Variants in B3GALT1 observed in about 807,000 individuals in gnomAD.
B3GALT1 encodes the protein UDP-Gal:betaGlcNAc beta 1,3-galactosyltransferase, polypeptide 1.
Under a neutral mutation model 23.2 loss-of-function variants are expected in B3GALT1, and 10 were observed. The ratio of observed to expected loss-of-function variants is 0.43; its 90% CI spans 0.27 to 0.73. The LOEUF is 0.73. Ranked by LOEUF, B3GALT1 falls within the 30% of genes least tolerant of loss-of-function variation. B3GALT1 has a pLI of 0.21. For missense variants in B3GALT1, 299 were observed against 405.4 expected (o/e 0.74, Z 2.25); for synonymous variants, 156 against 141.5 (o/e 1.10, Z -0.73).
intron 3 of B3GALT1, among the ~76,000 whole-genome samples, chr2:167,747,347 C>T (rs1687668142): frequency 6.6e-6 from 1 of 152,176 alleles, no homozygotes; most frequent in South Asian, 2.1e-4. Context: ...TCCCTCAGGG[C>T]CAGAAAATGC....
chr2:167,320,939 G>GA lies in B3GALT1; in HGVS notation c.-511+27615dup, dbSNP rs796393876. 5.0e-3 allele frequency among the ~76,000 whole-genome samples: 727 copies of GA among 146,852 alleles called. 7 individuals are homozygous for GA. Among genetic ancestry groups the GA allele is most frequent in the South Asian group, 0.022 (101 of 4,640 alleles). Reference sequence around the variant, plus strand: ...CCCTCCCCTCAAATATCCTAAACATGAAAAAAAAAATAAAGTCACATCTTT... The same window carrying GA: ...CCCTCCCCTCAAATATCCTAAACATGAAAAAAAAAAATAAAGTCACATCTTT... On this transcript the variant is annotated intron_variant, in intron 1 of 4. Transcript: ENST00000392690.
chr2:167,665,124 T>G (rs1438634170), intron 3 of B3GALT1, among the ~76,000 whole-genome samples: 1 of 151,900 alleles, frequency 6.6e-6, no homozygotes, highest in Non-Finnish European at 1.5e-5. Flanking sequence ...CTTATTATTT[T>G]GAGATATGTC....
intron 3 of B3GALT1, among the ~76,000 whole-genome samples, chr2:167,720,439 A>G (rs1687212687): frequency 6.6e-6 from 1 of 152,174 alleles, no homozygotes; most frequent in African/African-American, 2.4e-5. Flanking sequence ...TATTCAGATG[A>G]TTACAAATGG....
At chr2:167,541,589 C>A (rs1374903146) in intron 2 of B3GALT1, among the ~76,000 whole-genome samples, 3 of 152,008 alleles carry the variant, frequency 2.0e-5, no homozygotes, top group African/African-American at 7.2e-5. Context: ...TAGAAATTGC[C>A]TCAATTCTCT....
At chr2:167,468,420 T>TA (rs2105329515) in intron 1 of B3GALT1, among the ~76,000 whole-genome samples, 1 of 152,230 alleles carries the variant, frequency 6.6e-6, no homozygotes, top group East Asian at 1.9e-4. Flanking sequence ...CAATATAACT[T>TA]ACCACATTTA....
intron 3 of B3GALT1, among the ~76,000 whole-genome samples, chr2:167,750,140 G>T (rs184095761): frequency 3.9e-5 from 6 of 152,218 alleles, no homozygotes; most frequent in African/African-American, 1.4e-4. Flanking sequence ...TTGCTATCAG[G>T]TTCAATTTAG....
intron 2 of B3GALT1, among the ~76,000 whole-genome samples, chr2:167,592,229 G>T (rs1402413716): frequency 6.6e-6 from 1 of 152,194 alleles, no homozygotes; most frequent in Admixed American, 6.5e-5. Context: ...GGAGCTTTCA[G>T]TGTATAGATA....
At chr2:167,297,613 T>G (rs1696373513) in intron 1 of B3GALT1, among the ~76,000 whole-genome samples, 11 of 152,104 alleles carry the variant, frequency 7.2e-5, no homozygotes, top group Admixed American at 7.2e-4. Flanking sequence ...TATTCTTTTA[T>G]GCAAAAAAAG....
Position 167,869,875 on chromosome 2 carries a change from C to T in B3GALT1, c.836C>T (p.Pro279Leu). 6.2e-7 allele frequency: 1 copy of T among 1,614,194 alleles called. No individual in the cohort carries two copies. Among genetic ancestry groups the T allele is most frequent in the Admixed American group, 1.7e-5 (1 of 60,032 alleles). Reference sequence around the variant, plus strand: ...TGTCTTCGAAAGCTGGGCATACATCCTTTCCAGAACAGTGGCTTCAATCAC... The same window carrying T: ...TGTCTTCGAAAGCTGGGCATACATCTTTTCCAGAACAGTGGCTTCAATCAC... ...GLCLRKLGIH[P>L]FQNSGFNHWK... is the part of the protein sequence containing the mutation. Residue 279 changes from proline to leucine, a missense_variant, in exon 5 of 5, where the codon CCT (proline) becomes CTT (leucine). Pro to Leu is a moderately conservative substitution (Grantham distance 98, BLOSUM62 -3). Around this residue, in one of 3 missense-constraint regions of B3GALT1, gnomAD observed 133 missense variants for 204.8 expected, o/e 0.65. Transcript: ENST00000392690. The surrounding 1 kb of genome is among the most constrained non-coding windows in gnomAD (Gnocchi z 6.4).
At chr2:167,482,699 G>T (rs1038074792) in intron 1 of B3GALT1, among the ~76,000 whole-genome samples, 1 of 152,070 alleles carries the variant, frequency 6.6e-6, no homozygotes, top group African/African-American at 2.4e-5. Flanking sequence ...AATTAGCCGG[G>T]CATGGTGGCA....
intron 2 of B3GALT1, among the ~76,000 whole-genome samples, chr2:167,559,588 A>C (rs1683928847): frequency 6.6e-6 from 1 of 152,200 alleles, no homozygotes; most frequent in African/African-American, 2.4e-5. Flanking sequence ...AGCTGGAATA[A>C]CCAATACAGA....
intron 3 of B3GALT1, among the ~76,000 whole-genome samples, chr2:167,725,769 A>G (rs1364580887): frequency 6.6e-6 from 1 of 152,100 alleles, no homozygotes; most frequent in Non-Finnish European, 1.5e-5. Context: ...CATGAACCCC[A>G]AACTCCAGCA....
At chr2:167,502,798 G>C (rs1332596874) in intron 2 of B3GALT1, among the ~76,000 whole-genome samples, 1 of 152,176 alleles carries the variant, frequency 6.6e-6, no homozygotes, top group East Asian at 1.9e-4. Context: ...CCAACACTTT[G>C]GGAGGCCAAG....
chr2:167,799,529 T>C (rs1243815760), intron 3 of B3GALT1, among the ~76,000 whole-genome samples: 1 of 152,192 alleles, frequency 6.6e-6, no homozygotes, highest in African/African-American at 2.4e-5. Flanking sequence ...GAACACAGAC[T>C]GTCATCTTCA....
intron 1 of B3GALT1, among the ~76,000 whole-genome samples, chr2:167,420,461 C>T (rs985962164): frequency 2.0e-5 from 3 of 152,082 alleles, no homozygotes; most frequent in Non-Finnish European, 4.4e-5. Context: ...ATACAGTTAC[C>T]AAAGATGGTG....
chr2:167,597,968 A>G (rs1485630589), intron 2 of B3GALT1, among the ~76,000 whole-genome samples: 1 of 152,220 alleles, frequency 6.6e-6, no homozygotes, highest in Non-Finnish European at 1.5e-5. Context: ...CTGCTTACCC[A>G]GAACTGCCTT....
At chr2:167,389,925 C>CA (rs751630307) in intron 1 of B3GALT1, among the ~76,000 whole-genome samples, 15,109 of 103,582 alleles carry the variant, frequency 0.15, 255 homozygotes, top group Non-Finnish European at 0.17. Flanking sequence ...AAAAAAAAAA[C>CA]AAAAAAAAAA....
At chr2:167,863,194 T>C (rs1311139295) in intron 4 of B3GALT1, among the ~76,000 whole-genome samples, 17 of 152,214 alleles carry the variant, frequency 1.1e-4, no homozygotes. Flanking sequence ...CAGTGGGCTT[T>C]TGGCTTTGAG....
At chr2:167,332,457 A>C (rs1350805708) in intron 1 of B3GALT1, among the ~76,000 whole-genome samples, 1 of 152,260 alleles carries the variant, frequency 6.6e-6, no homozygotes, top group Non-Finnish European at 1.5e-5. Context: ...CTACAGTATC[A>C]GCAATGACAG....
Sources: allele counts gnomAD v4.1 joint callset (sites outside exome capture counted in the v4.1 genomes callset), GRCh38; gene constraint gnomAD v4.1.1; regional missense constraint gnomAD v4.1.1; non-coding constraint Gnocchi (gnomAD v3.1); transcripts MANE v1.5; gene names NCBI Gene and HGNC (gene_info 2026-07-23, HGNC 2026-07-21).